The following GRM7 variants were observed in gnomAD, a reference collection of about 807,000 sequenced individuals.
GRM7 encodes the protein metabotropic glutamate receptor 7.
A neutral mutation model predicts 84.5 loss-of-function variants in GRM7; 35 were observed. The ratio of observed to expected loss-of-function variants is 0.41; its 90% CI spans 0.32 to 0.55. The LOEUF is 0.55. Among genes scored for constraint, GRM7 ranks in the 20% least tolerant of loss-of-function variants. The pLI is 0.19. For synonymous variants in GRM7, 487 were observed against 455.1 expected (o/e 1.07, Z -0.89); for missense variants, 1,003 against 1,194.6 (o/e 0.84, Z 2.36).
chr3:7,397,596 G>A (rs1695263336), intron 4 of GRM7, among the ~76,000 whole-genome samples: 1 of 152,012 alleles, frequency 6.6e-6, no homozygotes, highest in African/African-American at 2.4e-5. Context: ...AATGCTTAAG[G>A]TAATGCACAC....
intron 9 of GRM7, among the ~76,000 whole-genome samples, chr3:7,726,636 TATATATATATATATATATA>T (rs1330047650): frequency 9.7e-6 from 1 of 102,860 alleles, no homozygotes; most frequent in African/African-American, 3.5e-5. Context: ...TATATATATA[TATATATATATATATATATA>T]TATATATATA....
chr3:6,948,169 T>A (rs1575052764), intron 1 of GRM7, among the ~76,000 whole-genome samples: 1 of 151,698 alleles, frequency 6.6e-6, no homozygotes, highest in Non-Finnish European at 1.5e-5. Flanking sequence ...TTTAGATCTT[T>A]CTGCTTTCTC....
intron 1 of GRM7, among the ~76,000 whole-genome samples, chr3:6,931,870 TAATC>T (rs1160014190): frequency 6.6e-6 from 1 of 152,208 alleles, no homozygotes; most frequent in Non-Finnish European, 1.5e-5. Context: ...GATTCCAACT[TAATC>T]AAATAAGGTT....
intron 7 of GRM7, among the ~76,000 whole-genome samples, chr3:7,504,769 CAACA>C (rs1699990383): frequency 6.6e-6 from 1 of 152,164 alleles, no homozygotes; most frequent in Admixed American, 6.5e-5. Flanking sequence ...ATTCAATTTT[CAACA>C]AATAAACTTT....
intron 7 of GRM7, among the ~76,000 whole-genome samples, chr3:7,568,639 C>T (rs556076822): frequency 5.9e-5 from 9 of 152,294 alleles, no homozygotes; most frequent in African/African-American, 9.6e-5. Flanking sequence ...CCGGCGCTTG[C>T]GGGCCAGCTG....
At chr3:7,478,740 G>T (rs140526466) in intron 7 of GRM7, among the ~76,000 whole-genome samples, 1 of 152,224 alleles carries the variant, frequency 6.6e-6, no homozygotes, top group African/African-American at 2.4e-5. Context: ...CTATCAACTA[G>T]TGTGAAGGCA....
chr3:6,881,739 A>T (rs1198902491), intron 1 of GRM7, among the ~76,000 whole-genome samples: 1 of 152,154 alleles, frequency 6.6e-6, no homozygotes, highest in African/African-American at 2.4e-5. Flanking sequence ...ACATTCTTAT[A>T]AAATTTCTGG....
chr3:7,298,368 CCTT>C (rs1699883395), intron 2 of GRM7, among the ~76,000 whole-genome samples: 2 of 152,130 alleles, frequency 1.3e-5, no homozygotes, highest in African/African-American at 4.8e-5. Flanking sequence ...ATTTTAAAAA[CCTT>C]CTTCAACCCA....
intron 4 of GRM7, among the ~76,000 whole-genome samples, chr3:7,360,803 T>C (rs1693627978): frequency 6.6e-6 from 1 of 152,136 alleles, no homozygotes; most frequent in African/African-American, 2.4e-5. Flanking sequence ...CGTAGCATAC[T>C]GAGTTGAACT....
intron 7 of GRM7, among the ~76,000 whole-genome samples, chr3:7,521,575 T>C (rs930201658): frequency 3.9e-4 from 60 of 152,290 alleles, no homozygotes; most frequent in Admixed American, 3.3e-3. Flanking sequence ...TCCCAACCTT[T>C]GGAACTATGA....
At chr3:7,349,900 A>G (rs9849385) in intron 4 of GRM7, among the ~76,000 whole-genome samples, 15,315 of 152,024 alleles carry the variant, frequency 0.1, 858 homozygotes, top group African/African-American at 0.15. Flanking sequence ...TCATGAAGCA[A>G]TTATATTCAA....
chr3:7,016,810 G>T (rs1456175860), intron 1 of GRM7, among the ~76,000 whole-genome samples: 8 of 152,142 alleles, frequency 5.3e-5, no homozygotes, highest in African/African-American at 1.9e-4. Context: ...TAGAGACAAA[G>T]AAACTGAGAC....
chr3:7,472,611 G>A (rs575671751), intron 7 of GRM7, among the ~76,000 whole-genome samples: 1 of 152,186 alleles, frequency 6.6e-6, no homozygotes, highest in African/African-American at 2.4e-5. Context: ...GGTCCTTGCA[G>A]ATGGCATAGC....
intron 7 of GRM7, among the ~76,000 whole-genome samples, chr3:7,547,890 T>C (rs540013400): frequency 7.2e-5 from 11 of 152,334 alleles, no homozygotes; most frequent in Admixed American, 2.0e-4. Flanking sequence ...AAGTGAATCA[T>C]TTCACTAACT....
At chr3:7,262,579 A>G (rs1478008128) in intron 2 of GRM7, among the ~76,000 whole-genome samples, 1 of 152,094 alleles carries the variant, frequency 6.6e-6, no homozygotes, top group Non-Finnish European at 1.5e-5. Context: ...GTACATTTTC[A>G]CATTGTGAAT....
intron 2 of GRM7, among the ~76,000 whole-genome samples, chr3:7,223,304 C>CT (rs1696872411): frequency 6.6e-6 from 1 of 151,164 alleles, no homozygotes; most frequent in African/African-American, 2.4e-5. Flanking sequence ...TTTTTTTTGT[C>CT]TTTTTCCCCC....
At chr3:7,449,109 A>G (rs979850440) in intron 5 of GRM7, among the ~76,000 whole-genome samples, 10 of 152,146 alleles carry the variant, frequency 6.6e-5, no homozygotes, top group Admixed American at 3.3e-4. Flanking sequence ...ACATTGCTCA[A>G]TGTTTGAAAT....
At chr3:6,915,764 A>G (rs1468253894) in intron 1 of GRM7, among the ~76,000 whole-genome samples, 1 of 152,222 alleles carries the variant, frequency 6.6e-6, no homozygotes, top group Non-Finnish European at 1.5e-5. Flanking sequence ...CAGTATCACA[A>G]CTAATGGGCT....
intron 8 of GRM7, among the ~76,000 whole-genome samples, chr3:7,623,370 G>A (rs1029084976): frequency 5.3e-5 from 8 of 152,260 alleles, no homozygotes; most frequent in Admixed American, 6.5e-5. Context: ...TTTGGAGAAT[G>A]AACTCTGCTT....
Sources: allele counts gnomAD v4.1 joint callset (sites outside exome capture counted in the v4.1 genomes callset), GRCh38; gene constraint gnomAD v4.1.1; transcripts MANE v1.5; gene names NCBI Gene and HGNC (gene_info 2026-07-23, HGNC 2026-07-21).